FGF14: variants seen among roughly 807,000 people sequenced by gnomAD.
The protein encoded by FGF14 is fibroblast growth factor homologous factor 4.
Under a neutral mutation model 25.5 loss-of-function variants are expected in FGF14, and 5 were observed. The ratio of observed to expected loss-of-function variants is 0.20; its 90% CI spans 0.10 to 0.41. FGF14 has a LOEUF of 0.41. FGF14 is among the 10% of genes least tolerant of loss of function. FGF14 has a pLI of 1.00. For missense variants in FGF14, 222 were observed against 320.1 expected (o/e 0.69, Z 2.34); for synonymous variants, 138 against 118.3 (o/e 1.17, Z -1.08).
chr13:102,216,557 T>C (rs2050380500), intron 1 of FGF14, among the ~76,000 whole-genome samples: 1 of 152,206 alleles, frequency 6.6e-6, no homozygotes, highest in Non-Finnish European at 1.5e-5. Flanking sequence ...TAATTTTACA[T>C]ATATGTGGGG....
chr13:102,350,683 G>A (rs1275153682), intron 1 of FGF14, among the ~76,000 whole-genome samples: 1 of 152,196 alleles, frequency 6.6e-6, no homozygotes, highest in Non-Finnish European at 1.5e-5. Context: ...CCAGTCAGCC[G>A]ACAAGCACTG....
intron 1 of FGF14, among the ~76,000 whole-genome samples, chr13:101,969,576 T>C (rs1445577066): frequency 1.3e-5 from 2 of 152,180 alleles, no homozygotes; most frequent in African/African-American, 4.8e-5. Flanking sequence ...AATAGCCTTG[T>C]GGTCTCCCTC....
Position 101,875,198 on chromosome 13 carries a change from T to G in FGF14, c.292A>C (p.Ser98Arg). Residue 98 changes from serine to arginine, a missense_variant, in exon 2 of 5, where the codon AGC (serine) becomes CGC (arginine). This residue lies in a region of FGF14 where 50 missense variants were observed against 75.2 expected (regional missense o/e 0.66). Transcript: ENST00000376143. The part of the protein sequence containing the change: ...DGALDGTKDD[S>R]TNSTLFNLIP... ...GGTTGTCACTTACTAGAATTAGTGC[T>G]GTCATCCTTGGTTCCATCGAGAGCT... 1 of 1,612,378 alleles carries G rather than the reference T, an allele frequency of 6.2e-7. No individual in the cohort carries two copies. The highest frequency in any genetic ancestry group is 8.5e-7 in the Non-Finnish European group (1 of 1,178,484).
intron 1 of FGF14, among the ~76,000 whole-genome samples, chr13:102,006,364 A>G (rs1779681159): frequency 6.6e-6 from 1 of 152,196 alleles, no homozygotes; most frequent in African/African-American, 2.4e-5. Flanking sequence ...CCAATCAACA[A>G]TACTGATGGT....
intron 3 of FGF14, among the ~76,000 whole-genome samples, chr13:101,844,445 C>T (rs893952203): frequency 2.0e-5 from 3 of 151,998 alleles, no homozygotes; most frequent in Non-Finnish European, 2.9e-5. Context: ...ATATTTAAAG[C>T]CCGTTTATCA....
At chr13:102,106,125 CAT>C (rs1290557911) in intron 1 of FGF14, among the ~76,000 whole-genome samples, 12 of 152,076 alleles carry the variant, frequency 7.9e-5, no homozygotes, top group African/African-American at 2.9e-4. Flanking sequence ...CCCAGATAAA[CAT>C]ATTTATTTTA....
At chr13:102,326,405 T>C (rs1158877051) in intron 1 of FGF14, among the ~76,000 whole-genome samples, 1 of 152,290 alleles carries the variant, frequency 6.6e-6, no homozygotes. Flanking sequence ...AATACTGACC[T>C]CTTGCTTATG....
intron 1 of FGF14, among the ~76,000 whole-genome samples, chr13:102,236,211 T>C (rs2051320946): frequency 6.6e-6 from 1 of 152,200 alleles, no homozygotes; most frequent in African/African-American, 2.4e-5. Context: ...TAAACTTCTT[T>C]CACTTTACTT....
chr13:102,225,699 T>A (rs1443160805), intron 1 of FGF14, among the ~76,000 whole-genome samples: 1 of 152,230 alleles, frequency 6.6e-6, no homozygotes, highest in African/African-American at 2.4e-5. Flanking sequence ...AAAACTGTTT[T>A]GACTCTCAGC....
chr13:102,170,055 C>A (rs1031998837), intron 1 of FGF14, among the ~76,000 whole-genome samples: 1 of 152,100 alleles, frequency 6.6e-6, no homozygotes, highest in Non-Finnish European at 1.5e-5. Flanking sequence ...AGGAAAGGGG[C>A]AAAGTCCTTG....
intron 1 of FGF14, among the ~76,000 whole-genome samples, chr13:101,998,104 T>C (rs1411974756): frequency 2.0e-5 from 3 of 152,072 alleles, no homozygotes; most frequent in African/African-American, 7.2e-5. Context: ...GGTTAAGATA[T>C]CATATTCCAT....
At chr13:102,131,128 TC>T (rs1225140994) in intron 1 of FGF14, among the ~76,000 whole-genome samples, 1 of 152,120 alleles carries the variant, frequency 6.6e-6, no homozygotes, top group African/African-American at 2.4e-5. Flanking sequence ...AGACATGAAT[TC>T]CCTCCTTTGC....
At chr13:101,869,515 C>T (rs1452870540) in intron 2 of FGF14, among the ~76,000 whole-genome samples, 2 of 152,160 alleles carry the variant, frequency 1.3e-5, no homozygotes, top group African/African-American at 4.8e-5. Flanking sequence ...AAAAACTTAA[C>T]ATCCCTTTAA....
intron 2 of FGF14, among the ~76,000 whole-genome samples, chr13:101,871,483 T>C (rs1257558299): frequency 6.6e-6 from 1 of 152,158 alleles, no homozygotes; most frequent in Admixed American, 6.6e-5. Flanking sequence ...TGGTGGCCAC[T>C]GAGTGATCGA....
At chr13:101,989,550 C>T (rs909474598) in intron 1 of FGF14, among the ~76,000 whole-genome samples, 4 of 152,008 alleles carry the variant, frequency 2.6e-5, no homozygotes, top group African/African-American at 7.2e-5. Flanking sequence ...TAATGAAATG[C>T]TACAGCAATT....
chr13:102,079,093 T>C (rs2140185608), intron 1 of FGF14, among the ~76,000 whole-genome samples: 1 of 152,322 alleles, frequency 6.6e-6, no homozygotes, highest in East Asian at 1.9e-4. Context: ...CTGAAGTCTT[T>C]GCTGATGGTC....
intron 1 of FGF14, among the ~76,000 whole-genome samples, chr13:102,009,139 A>G (rs1399859055): frequency 1.3e-5 from 2 of 152,178 alleles, no homozygotes; most frequent in Non-Finnish European, 2.9e-5. Flanking sequence ...ACCTTGCTGT[A>G]TATTCATTCA....
At chr13:101,784,066 A>C (rs2039671115) in intron 3 of FGF14, among the ~76,000 whole-genome samples, 1 of 152,062 alleles carries the variant, frequency 6.6e-6, no homozygotes, top group African/African-American at 2.4e-5. Context: ...TTTTGTACCA[A>C]AGCCATGCTG....
intron 2 of FGF14, among the ~76,000 whole-genome samples, chr13:101,873,695 A>T (rs752309628): frequency 6.6e-6 from 1 of 152,166 alleles, no homozygotes; most frequent in Non-Finnish European, 1.5e-5. Flanking sequence ...AGCCTGAACC[A>T]TAAGAAACTG....
Sources: gnomAD v4.1 joint callset for allele counts (sites outside exome capture counted in the v4.1 genomes callset) on GRCh38, gnomAD v4.1.1 for gene constraint, gnomAD v4.1.1 regional missense constraint, MANE v1.5 for transcripts, NCBI Gene and HGNC (gene_info 2026-07-23, HGNC 2026-07-21) for gene names.